Variants in CDCA8 observed in about 807,000 individuals in gnomAD.
CDCA8 encodes borealin.
CDCA8 carries 25 observed loss-of-function variants against 40.0 expected under a neutral mutation model. The ratio of observed to expected loss-of-function variants is 0.63; its 90% CI spans 0.46 to 0.87. The LOEUF is 0.87. Ranked by LOEUF, CDCA8 falls within the 40% of genes least tolerant of loss-of-function variation. The pLI is 0.00. For synonymous variants in CDCA8, 111 were observed against 126.5 expected (o/e 0.88, Z 0.82); for missense variants, 280 against 348.4 (o/e 0.80, Z 1.56).
At chr1:37,705,327 A>T in intron 7 of CDCA8, 114 bp from the exon 8 acceptor site, 1 of 870,786 alleles carries the variant, frequency 1.1e-6, no homozygotes, top group Non-Finnish European at 1.8e-6. Context: ...GTGCTTTCTT[A>T]GGAATGTATG....
In CDCA8 at chr1:37,700,476, GGAA is replaced by G. The variant is rs770586655; in HGVS notation, c.391_393del (p.Glu131del). ...AGGTAGATGAAATGATAGTGGAAGA[GGAA>G]GAAGAAGAAGAAAATGAACGTAAGA... On this transcript the variant is annotated inframe_deletion, in exon 5 of 10. Transcript: ENST00000373055. 261 of 1,609,822 alleles carry G rather than the reference GGAA, an allele frequency of 1.6e-4. No individual in the cohort carries two copies. Among genetic ancestry groups the G allele is most frequent in the African/African-American group, 4.4e-4 (33 of 74,820 alleles).
chr1:37,701,942 T>G (rs555203945), intron 6 of CDCA8, 124 bp downstream of exon 6: 1 of 705,196 alleles, frequency 1.4e-6, no homozygotes, highest in African/African-American at 1.8e-5. Flanking sequence ...TTAAAATCAC[T>G]GAATCCTTGA....
At chr1:37,706,854 C>T (rs1171958432) in intron 8 of CDCA8, 124 bp from the exon 9 acceptor site, 1 of 698,096 alleles carries the variant, frequency 1.4e-6, no homozygotes, top group Non-Finnish European at 2.6e-6. Flanking sequence ...AATATCCTTC[C>T]TGCCTGTCTT....
intron 3 of CDCA8, 114 bp from the exon 4 acceptor site, chr1:37,698,791 C>A: frequency 1.4e-6 from 1 of 701,168 alleles, no homozygotes; most frequent in South Asian, 1.7e-5. Context: ...GTATCACTAA[C>A]ATTTAACAGT....
At chr1:37,703,883 T>C (rs193025946) in intron 7 of CDCA8, among the ~76,000 whole-genome samples, 1 of 152,294 alleles carries the variant, frequency 6.6e-6, no homozygotes, top group African/African-American at 2.4e-5. Context: ...CTGCCTGTGA[T>C]GACTAGGAGG....
In CDCA8 at chr1:37,705,495, C is replaced by T; in HGVS notation, c.639C>T (p.Asn213=). ...CAGCAGCAGGAGAGCGGATTTACAA[C>T]ATCTCAGGGAATGGCAGCCCTCTTG... ...RTPAAGERIY[N]ISGNGSPLAD... Residue 213 remains asparagine, a synonymous_variant, in exon 8 of 10, where the codon AAC becomes AAT. Coordinates refer to ENST00000373055, the MANE Select transcript of CDCA8 (RefSeq NM_001256875.2). 6.2e-7 allele frequency: 1 copy of T among 1,614,010 alleles called. No homozygotes were observed. Among genetic ancestry groups the T allele is most frequent in the Non-Finnish European group, 8.5e-7 (1 of 1,180,008 alleles).
rs1339442096 is a variant in CDCA8, at chr1:37,692,707, G to T, written c.17G>T (p.Gly6Val). Residue 6 changes from glycine (G) to valine (V), a missense_variant, in exon 1 of 10, where the codon GGC (glycine) becomes GTC (valine). Coordinates refer to ENST00000373055, the MANE Select transcript of CDCA8 (RefSeq NM_001256875.2). Reference protein sequence around the residue: MAPRKGSSRVAKTNSL... With the variant: MAPRKVSSRVAKTNSL... ...CCGAGCGCCATGGCTCCTAGGAAGG[G>T]CAGTAGTCGGGTGGCCAAGACCAAC... 2 of 1,613,140 alleles carry T rather than the reference G, an allele frequency of 1.2e-6. No homozygotes were observed. Among genetic ancestry groups the T allele is most frequent in the East Asian group, 2.2e-5 (1 of 44,866 alleles).
Position 37,696,025 on chromosome 1 carries a change from C to T in CDCA8, c.264+75C>T. 1 of 1,246,014 alleles carries T rather than the reference C, an allele frequency of 8.0e-7. No individual in the cohort carries two copies. The highest frequency in any genetic ancestry group is 1.8e-5 in the Admixed American group (1 of 55,374). 77.2% of individuals were successfully genotyped at this position (1,246,014 alleles called of 1,614,324 possible). A position where few individuals can be genotyped will look rare whatever the true frequency, so the allele number is the denominator to read the frequency against. ...AGTCCCCAGATCCAACTAATAGATG[C>T]TTACTGTGGAAGAGGTTTCATAAAG... is the stretch of plus-strand genomic sequence containing the variant. On this transcript the variant is annotated intron_variant, in intron 3 of 9. Coordinates refer to ENST00000373055, the MANE Select transcript of CDCA8 (RefSeq NM_001256875.2). This position sits in a 1 kb window ranked among gnomAD's most constrained non-coding sequence, Gnocchi z 5.0.
chr1:37,694,889 A>G (rs929589556), intron 2 of CDCA8, among the ~76,000 whole-genome samples: 3 of 152,258 alleles, frequency 2.0e-5, no homozygotes, highest in African/African-American at 7.2e-5. Flanking sequence ...CTTTTCATTC[A>G]ACACGTTTAC....
rs1343600324 is a variant in CDCA8 at position 37,707,004 on chromosome 1, G to A, written c.738G>A (p.Leu246=). The stretch of plus-strand genomic sequence containing the variant: ...GCCTGCGATTATTGGCCAGTGACTT[G>A]CAGAGGCACAGTATTGCCCAGCTGG... ...GESLRLLASD[L]QRHSIAQLDP... is the part of the protein sequence containing the mutation. Residue 246 remains leucine (L), a synonymous_variant, in exon 9 of 10, where the codon TTG becomes TTA. Coordinates refer to ENST00000373055, the MANE Select transcript of CDCA8 (RefSeq NM_001256875.2). 3 of 1,614,184 alleles carry A rather than the reference G, an allele frequency of 1.9e-6. No individual in the cohort carries two copies. Among genetic ancestry groups the A allele is most frequent in the African/African-American group, 2.7e-5 (2 of 75,054 alleles).
rs577497 is a variant in CDCA8, at chr1:37,705,507, T to G, written c.651T>G (p.Asn217Lys). 1 of 1,613,974 alleles carries G rather than the reference T, an allele frequency of 6.2e-7. No individual in the cohort carries two copies. The highest frequency in any genetic ancestry group is 8.5e-7 in the Non-Finnish European group (1 of 1,180,018). Residue 217 changes from asparagine (N) to lysine (K), a missense_variant, in exon 8 of 10, where the codon AAT (asparagine) becomes AAG (lysine). Transcript: ENST00000373055. ...AGCGGATTTACAACATCTCAGGGAA[T>G]GGCAGCCCTCTTGCTGACAGCAAAG... ...AGERIYNISG[N>K]GSPLADSKEI... is the part of the protein sequence containing the mutation.
intron 8 of CDCA8, among the ~76,000 whole-genome samples, chr1:37,706,103 CCACCT>C (rs1316848193): frequency 7.9e-6 from 1 of 126,212 alleles, no homozygotes; most frequent in Non-Finnish European, 1.6e-5. Flanking sequence ...GCCACCGTGC[CCACCT>C]TTTTTTTTTT....
intron 5 of CDCA8, among the ~76,000 whole-genome samples, 199 bp from the exon 6 acceptor site, chr1:37,701,555 C>T (rs1645564139): frequency 6.6e-6 from 1 of 151,986 alleles, no homozygotes; most frequent in South Asian, 2.1e-4. Context: ...ATTTTGAAAA[C>T]CCAGCCAGTG....
Position 37,708,981 on chromosome 1 carries a change from C to T in CDCA8, c.*615C>T, listed in dbSNP as rs564350121. The T allele has an allele frequency of 2.0e-3, 315 of 155,070 alleles. 1 individual carries two copies. The highest frequency in any genetic ancestry group is 3.6e-3 in the Non-Finnish European group (252 of 69,812). The allele number at this position is 155,070 out of a possible 1,614,324, so 9.6% of individuals were successfully genotyped here. On this transcript the variant is annotated 3_prime_UTR_variant, in exon 10 of 10. Transcript: ENST00000373055. ...CCCTACCAGCCCTCCTCTTCCTCCTCCTCCTCCTCCTGTGGGAGGTGGTCA... is the reference window on the plus strand; with the variant it reads ...CCCTACCAGCCCTCCTCTTCCTCCTTCTCCTCCTCCTGTGGGAGGTGGTCA...
Position 37,692,932 on chromosome 1 carries a change from C to A in CDCA8, c.122C>A (p.Ser41Ter). The A allele has an allele frequency of 6.2e-7, 1 of 1,614,114 alleles. No homozygotes were observed. Among genetic ancestry groups the A allele is most frequent in the South Asian group, 1.1e-5 (1 of 91,080 alleles). Reference sequence around the variant, plus strand: ...GAAATACGAATCAAGCAAATTGAGTCAGACAGGCAGAACCTCCTCAAGGAG... The same window carrying A: ...GAAATACGAATCAAGCAAATTGAGTAAGACAGGCAGAACCTCCTCAAGGAG... The part of the protein sequence containing the change: ...EVEIRIKQIE[S>*]DRQNLLKEVD... The change falls in exon 2 of 10, where the codon TCA (serine) becomes TAA (stop). Residue 41 changes from serine (S) to a stop codon, truncating the protein, a stop_gained. Coordinates refer to ENST00000373055, the MANE Select transcript of CDCA8 (RefSeq NM_001256875.2). LOFTEE classifies it high-confidence loss of function.
chr1:37,707,098 C>T, intron 9 of CDCA8, 34 bp downstream of exon 9: 1 of 1,479,788 alleles, frequency 6.8e-7, no homozygotes, highest in Non-Finnish European at 9.4e-7. Flanking sequence ...ACATAGGATG[C>T]CTCCAGTAGC....
intron 8 of CDCA8, among the ~76,000 whole-genome samples, chr1:37,705,994 G>A (rs553360244): frequency 6.6e-6 from 1 of 151,490 alleles, no homozygotes; most frequent in Non-Finnish European, 1.5e-5. Flanking sequence ...ATTTTTGGTA[G>A]AGATGGGGGT....
At chr1:37,694,570 G>A (rs1337061983) in intron 2 of CDCA8, among the ~76,000 whole-genome samples, 1 of 152,246 alleles carries the variant, frequency 6.6e-6, no homozygotes, top group East Asian at 1.9e-4. Flanking sequence ...AGATAGAATA[G>A]AGTAGTGGTC....
At position 37,708,927 on chromosome 1, in the gene CDCA8, G is replaced by A. The variant is rs527297834; in HGVS notation, c.*561G>A. ...AGTGACCTCAGTAGGGAACATGTCC[G>A]TCTACCCTCTCGCACTCATGACACC... On this transcript the variant is annotated 3_prime_UTR_variant, in exon 10 of 10. Coordinates refer to ENST00000373055, the MANE Select transcript of CDCA8 (RefSeq NM_001256875.2). The A allele has an allele frequency of 1.0e-3, 163 of 156,674 alleles. 1 individual carries two copies. Among genetic ancestry groups the A allele is most frequent in the Non-Finnish European group, 1.7e-3 (118 of 70,652 alleles). The allele number at this position is 156,674 out of a possible 1,614,324, so 9.7% of individuals were successfully genotyped here.
Sources: gnomAD v4.1 joint callset for allele counts (sites outside exome capture counted in the v4.1 genomes callset) on GRCh38, gnomAD v4.1.1 for gene constraint, Gnocchi (gnomAD v3.1) non-coding constraint, MANE v1.5 for transcripts, NCBI Gene and HGNC (gene_info 2026-07-23, HGNC 2026-07-21) for gene names.